The following PTPRG variants were observed in gnomAD, a reference collection of about 807,000 sequenced individuals.
PTPRG encodes protein tyrosine phosphatase receptor type G.
PTPRG carries 102 observed loss-of-function variants against 165.3 expected under a neutral mutation model. That is an observed-to-expected ratio of 0.62 (90% CI 0.53 to 0.73). The LOEUF is 0.73. Ranked by LOEUF, PTPRG falls within the 30% of genes least tolerant of loss-of-function variation. The pLI is 0.00. For missense variants in PTPRG, 1,866 were observed against 1,861.4 expected, an observed-to-expected ratio of 1.00 and a Z score of -0.05; for synonymous variants, 675 against 669.5, an observed-to-expected ratio of 1.01 and a Z score of -0.13.
chr3:61,764,512 G>A (rs944546202), intron 2 of PTPRG, among the ~76,000 whole-genome samples: 1 of 152,190 alleles, frequency 6.6e-6, no homozygotes, highest in Non-Finnish European at 1.5e-5. Flanking sequence ...GTGAAATAAA[G>A]TGTAAAGTGA....
At chr3:62,143,130 A>G (rs1243194001) in intron 6 of PTPRG, among the ~76,000 whole-genome samples, 1 of 152,054 alleles carries the variant, frequency 6.6e-6, no homozygotes, top group Non-Finnish European at 1.5e-5. Flanking sequence ...AGCTCATCAT[A>G]TGGGTTTTGT....
chr3:61,663,950 T>C (rs1575573669), intron 1 of PTPRG, among the ~76,000 whole-genome samples: 1 of 152,186 alleles, frequency 6.6e-6, no homozygotes, highest in African/African-American at 2.4e-5. Context: ...CTGGCTGTGG[T>C]CTGTGTCCTG....
At chr3:61,826,669 A>C (rs1163686894) in intron 2 of PTPRG, among the ~76,000 whole-genome samples, 1 of 152,172 alleles carries the variant, frequency 6.6e-6, no homozygotes, top group Non-Finnish European at 1.5e-5. Context: ...ACAGTGAGGT[A>C]AAATACTTGC....
intron 8 of PTPRG, among the ~76,000 whole-genome samples, chr3:62,188,185 G>T (rs757780663): frequency 6.6e-6 from 1 of 152,066 alleles, no homozygotes; most frequent in Non-Finnish European, 1.5e-5. Flanking sequence ...ACCAGCATGG[G>T]CAACATAGTG....
intron 1 of PTPRG, among the ~76,000 whole-genome samples, chr3:61,672,740 G>A (rs77343573): frequency 1.3e-4 from 1 of 7,974 alleles, no homozygotes; most frequent in African/African-American, 2.8e-4. Context: ...TGTGGGGAGA[G>A]GGAGAGGGAG....
chr3:62,157,571 C>CA (rs1391513060), intron 7 of PTPRG, among the ~76,000 whole-genome samples: 1 of 152,202 alleles, frequency 6.6e-6, no homozygotes, highest in South Asian at 2.1e-4. Flanking sequence ...TGACCCATTT[C>CA]ATCTTCATGA....
At chr3:62,211,853 T>C (rs12630600) in intron 12 of PTPRG, among the ~76,000 whole-genome samples, 2 of 152,160 alleles carry the variant, frequency 1.3e-5, no homozygotes, top group Non-Finnish European at 2.9e-5. Context: ...TAGTACATTG[T>C]ACTCCGTTTT....
chr3:62,272,806 C>A, intron 21 of PTPRG, 140 bp from the exon 22 acceptor site: 1 of 986,150 alleles, frequency 1.0e-6, no homozygotes. Flanking sequence ...CACTGCACTC[C>A]AGCCTGGGCA....
At chr3:61,862,721 C>T (rs1339529626) in intron 2 of PTPRG, among the ~76,000 whole-genome samples, 1 of 152,128 alleles carries the variant, frequency 6.6e-6, no homozygotes, top group Non-Finnish European at 1.5e-5. Flanking sequence ...TAAAGAGTAG[C>T]TGCATACAGT....
intron 17 of PTPRG, among the ~76,000 whole-genome samples, chr3:62,266,573 C>T (rs1701881013): frequency 6.6e-6 from 1 of 151,976 alleles, no homozygotes; most frequent in Admixed American, 6.6e-5. Flanking sequence ...ACAACAAAAA[C>T]AGTTCACAGT....
chr3:62,247,528 C>T (rs368720612), intron 15 of PTPRG, among the ~76,000 whole-genome samples: 1 of 152,174 alleles, frequency 6.6e-6, no homozygotes, highest in African/African-American at 2.4e-5. Context: ...CTTGGGTTGA[C>T]ATTTTCCCCA....
chr3:61,691,372 A>G, intron 1 of PTPRG, among the ~76,000 whole-genome samples: 1 of 152,146 alleles, frequency 6.6e-6, no homozygotes. Flanking sequence ...ACACCACTGC[A>G]CTCCAGCCTG....
chr3:61,924,193 G>A (rs901894826), intron 2 of PTPRG, among the ~76,000 whole-genome samples: 31 of 152,104 alleles, frequency 2.0e-4, no homozygotes, highest in African/African-American at 7.0e-4. Flanking sequence ...CCAGTTGGCC[G>A]GCAGTCAGGT....
intron 1 of PTPRG, among the ~76,000 whole-genome samples, chr3:61,605,573 G>GAC (rs1700980996): frequency 4.1e-5 from 1 of 24,472 alleles, no homozygotes; most frequent in Non-Finnish European, 2.0e-4. Flanking sequence ...TTATTTTTTT[G>GAC]TTTTTTTTAT....
chr3:61,873,054 G>A (rs1339561451), intron 2 of PTPRG, among the ~76,000 whole-genome samples: 1 of 152,126 alleles, frequency 6.6e-6, no homozygotes, highest in Non-Finnish European at 1.5e-5. Flanking sequence ...GAGCCATTGG[G>A]CAGGAGTAAA....
chr3:62,126,420 AG>A (rs1703294084), intron 5 of PTPRG, among the ~76,000 whole-genome samples: 1 of 152,200 alleles, frequency 6.6e-6, no homozygotes, highest in Non-Finnish European at 1.5e-5. Context: ...TCCGTGCTCA[AG>A]CTGCGTTTGA....
At chr3:61,736,106 C>T (rs1387244837) in intron 1 of PTPRG, among the ~76,000 whole-genome samples, 1 of 151,966 alleles carries the variant, frequency 6.6e-6, no homozygotes, top group African/African-American at 2.4e-5. Flanking sequence ...TGGGGTTTCA[C>T]CATGTTACCC....
chr3:61,995,434 C>T (rs1008159794), intron 3 of PTPRG, among the ~76,000 whole-genome samples: 1 of 152,118 alleles, frequency 6.6e-6, no homozygotes, highest in South Asian at 2.1e-4. Context: ...TCTGATTTCC[C>T]TCCAAAACTG....
At chr3:61,638,337 A>T (rs2106946262) in intron 1 of PTPRG, among the ~76,000 whole-genome samples, 1 of 151,566 alleles carries the variant, frequency 6.6e-6, no homozygotes, top group African/African-American at 2.4e-5. Flanking sequence ...GCATCTCTCC[A>T]TTTAAGTAAT....
Sources: allele counts gnomAD v4.1 joint callset (sites outside exome capture counted in the v4.1 genomes callset), GRCh38; gene constraint gnomAD v4.1.1; transcripts MANE v1.5; gene names NCBI Gene and HGNC (gene_info 2026-07-23, HGNC 2026-07-21).